The following ABCD3 variants were observed in gnomAD, a reference collection of about 807,000 sequenced individuals.
ABCD3 encodes ATP binding cassette subfamily D member 3, also known as ATP-binding cassette sub-family D member 3.
Under a neutral mutation model 105.5 loss-of-function variants are expected in ABCD3, and 41 were observed. The ratio of observed to expected loss-of-function variants is 0.39; its 90% CI spans 0.30 to 0.50. The LOEUF (loss-of-function observed/expected upper bound fraction) is 0.50, where lower values mean the gene tolerates loss of function less well. ABCD3 is among the 20% of genes least tolerant of loss of function. The pLI is 0.84. For synonymous variants in ABCD3, 258 were observed against 269.0 expected (o/e 0.96, Z 0.40); for missense variants, 622 against 806.3 (o/e 0.77, Z 2.77).
At chr1:94,400,824 A>C in the ABCD3 span, among the ~76,000 whole-genome samples, 1 of 152,214 alleles carries the variant, frequency 6.6e-6, no homozygotes, top group South Asian at 2.1e-4. Context: ...GTCCCTTCCA[A>C]AACTCATGTT....
At chr1:94,466,525 G>A (rs539292776) in intron 3 of ABCD3, among the ~76,000 whole-genome samples, 17 of 152,134 alleles carry the variant, frequency 1.1e-4, no homozygotes, top group African/African-American at 3.9e-4. Flanking sequence ...ATTGTTTTAC[G>A]ATCTGGCCCT....
the ABCD3 span, among the ~76,000 whole-genome samples, chr1:94,408,655 C>T: frequency 4.1e-4 from 63 of 152,020 alleles, no homozygotes; most frequent in African/African-American, 1.3e-3. Context: ...CATATGGAGA[C>T]GATAAATCAT....
intron 15 of ABCD3, among the ~76,000 whole-genome samples, chr1:94,490,719 T>A (rs2101025836): frequency 6.6e-6 from 1 of 152,256 alleles, no homozygotes; most frequent in Non-Finnish European, 1.5e-5. Flanking sequence ...TAAATAATGC[T>A]GGAGTGAACA....
rs1397944760 is a variant in ABCD3 at position 94,491,337 on chromosome 1, G to A, written c.1386+90G>A. 1.7e-5 allele frequency: 16 copies of A among 953,524 alleles called. No individual in the cohort carries two copies. In the Admixed American group the frequency reaches 3.0e-4, roughly 18 times the overall value. 59.1% of individuals were successfully genotyped at this position (953,524 alleles called of 1,614,324 possible). ...CCTGAATATTTAAAGTAACTTTAAGGCTCGACTTAGTCTCTGAATCCACAG... is the reference window on the plus strand; with the variant it reads ...CCTGAATATTTAAAGTAACTTTAAGACTCGACTTAGTCTCTGAATCCACAG... On this transcript the variant is annotated intron_variant, in intron 16 of 22. Coordinates refer to ENST00000370214, the MANE Select transcript of ABCD3 (RefSeq NM_002858.4).
rs1035385612 is a variant in ABCD3 at position 94,468,012 on chromosome 1, T to G, written c.335+5T>G. On this transcript the variant is annotated splice_donor_5th_base_variant and intron_variant, in intron 4 of 22. Coordinates refer to ENST00000370214, the MANE Select transcript of ABCD3 (RefSeq NM_002858.4). ...AAATGGGACACTAATTGAAAGGTAC[T>G]TTTTCAATCACCTTCCTCCTATATG... 7 of 1,596,024 alleles carry G rather than the reference T, an allele frequency of 4.4e-6. No individual in the cohort carries two copies. In the African/African-American group the frequency reaches 8.0e-5, roughly 18 times the overall value.
At chr1:94,400,221 A>G in the ABCD3 span, among the ~76,000 whole-genome samples, 1 of 152,110 alleles carries the variant, frequency 6.6e-6, no homozygotes, top group Non-Finnish European at 1.5e-5. Flanking sequence ...CAGCCTGGCC[A>G]AAATAGTGGA....
chr1:94,392,079 G>A, the ABCD3 span, among the ~76,000 whole-genome samples: 1 of 152,134 alleles, frequency 6.6e-6, no homozygotes, highest in African/African-American at 2.4e-5. Flanking sequence ...CTTGGCCTTA[G>A]GTTCTTTGCC....
At chr1:94,414,586 C>T (rs1039732193), upstream of ABCD3, among the ~76,000 whole-genome samples, 5 of 152,102 alleles carry the variant, frequency 3.3e-5, no homozygotes, top group Admixed American at 3.3e-4. Flanking sequence ...ACCTGCAATA[C>T]ACCTTTCTAC....
intron 22 of ABCD3, among the ~76,000 whole-genome samples, chr1:94,516,678 A>G (rs1321273950): frequency 6.6e-6 from 1 of 151,964 alleles, no homozygotes; most frequent in African/African-American, 2.4e-5. Flanking sequence ...CCACTAAATA[A>G]AAACAGAAGG....
intron 1 of ABCD3, among the ~76,000 whole-genome samples, chr1:94,449,307 A>G (rs1319472943): frequency 6.6e-6 from 1 of 152,248 alleles, no homozygotes; most frequent in Non-Finnish European, 1.5e-5. Flanking sequence ...ACTTGGGGAC[A>G]GATCAAGAAG....
At chr1:94,498,494 C>T in intron 16 of ABCD3, 108 bp from the exon 17 acceptor site, 1 of 1,119,832 alleles carries the variant, frequency 8.9e-7, no homozygotes, top group South Asian at 1.3e-5. Context: ...AAATAGAAGG[C>T]TTATAATTAG....
chr1:94,408,551 G>A, the ABCD3 span, among the ~76,000 whole-genome samples: 11 of 152,056 alleles, frequency 7.2e-5, no homozygotes, highest in East Asian at 9.7e-4. Context: ...CTGAGATTGC[G>A]CCACTGCACT....
At chr1:94,476,541 G>A (rs1489119146) in intron 7 of ABCD3, among the ~76,000 whole-genome samples, 2 of 152,134 alleles carry the variant, frequency 1.3e-5, no homozygotes, top group East Asian at 1.9e-4. Context: ...ACCAATGATA[G>A]TATCTTTGCC....
chr1:94,393,075 C>G, the ABCD3 span, among the ~76,000 whole-genome samples: 1 of 151,614 alleles, frequency 6.6e-6, no homozygotes, highest in Non-Finnish European at 1.5e-5. Context: ...TCACACCACT[C>G]CAGCCTGGTG....
chr1:94,488,730 T>A (rs1206282168), intron 13 of ABCD3, among the ~76,000 whole-genome samples: 1 of 152,068 alleles, frequency 6.6e-6, no homozygotes, highest in Admixed American at 6.6e-5. Flanking sequence ...ATGAGAATAC[T>A]AACATTCTTC....
chr1:94,392,241 C>T, the ABCD3 span, among the ~76,000 whole-genome samples: 4 of 152,292 alleles, frequency 2.6e-5, no homozygotes, highest in South Asian at 4.2e-4. Context: ...GACATGTGTT[C>T]GTTCCCAGTG....
At chr1:94,390,853 G>A in the ABCD3 span, among the ~76,000 whole-genome samples, 10 of 152,148 alleles carry the variant, frequency 6.6e-5, no homozygotes, top group Non-Finnish European at 1.3e-4. Flanking sequence ...CCCCTAAACC[G>A]ATTATGAGAC....
intron 2 of ABCD3, 152 bp from the exon 3 acceptor site, chr1:94,464,623 A>G: frequency 1.4e-6 from 1 of 699,114 alleles, no homozygotes; most frequent in Non-Finnish European, 2.5e-6. Flanking sequence ...ATGTTTGAAT[A>G]TGAGGAGCAG....
chr1:94,499,716 G>A (rs1190877166), intron 20 of ABCD3, 102 bp downstream of exon 20: 1 of 1,398,674 alleles, frequency 7.1e-7, no homozygotes, highest in East Asian at 2.4e-5. Flanking sequence ...TTCAGCAGCT[G>A]TTTCAGTATG....
Sources: allele counts gnomAD v4.1 joint callset (sites outside exome capture counted in the v4.1 genomes callset), GRCh38; gene constraint gnomAD v4.1.1; transcripts MANE v1.5; gene names NCBI Gene and HGNC (gene_info 2026-07-23, HGNC 2026-07-21).